Variants in ADGRL3 observed in about 807,000 individuals in gnomAD.
The protein encoded by ADGRL3 is adhesion G protein-coupled receptor L3.
In ADGRL3, 62 loss-of-function variants were observed where a neutral mutation model predicts 153.5. That is an observed-to-expected ratio of 0.40 (90% CI 0.33 to 0.50). ADGRL3 has a LOEUF of 0.50. Among genes scored for constraint, ADGRL3 ranks in the 20% least tolerant of loss-of-function variants. The pLI, the probability that ADGRL3 is intolerant of heterozygous loss-of-function variation, is 0.47. For missense variants in ADGRL3, 1,641 were observed against 1,859.4 expected (o/e 0.88, Z 2.16); for synonymous variants, 710 against 672.5 (o/e 1.06, Z -0.86).
At chr4:61,558,173 C>CATATAT (rs33947698) in intron 4 of ADGRL3, among the ~76,000 whole-genome samples, 2,540 of 128,946 alleles carry the variant, frequency 0.02, 91 homozygotes, top group East Asian at 0.14. Flanking sequence ...ATGTAGGAAT[C>CATATAT]ATATATATAT....
intron 8 of ADGRL3, 75 bp downstream of exon 8, chr4:61,733,629 T>C (rs1243928565): frequency 9.3e-7 from 1 of 1,078,538 alleles, no homozygotes; most frequent in East Asian, 2.6e-5. Context: ...TTTATGTTTT[T>C]ATTAAACTTT....
At chr4:61,215,541 ATTTTTTT>A (rs59691960) in intron 1 of ADGRL3, among the ~76,000 whole-genome samples, 4 of 73,704 alleles carry the variant, frequency 5.4e-5, no homozygotes, top group African/African-American at 5.1e-5. Flanking sequence ...CTATTATGGA[ATTTTTTT>A]TTTTTTTTTT....
At chr4:61,980,844 G>A (rs1000087621) in intron 18 of ADGRL3, among the ~76,000 whole-genome samples, 1 of 152,066 alleles carries the variant, frequency 6.6e-6, no homozygotes, top group African/African-American at 2.4e-5. Context: ...GTTGTCTGAT[G>A]TACCACAGTT....
Position 62,070,157 on chromosome 4 carries a change from C to G in ADGRL3, c.3881C>G (p.Pro1294Arg). The change falls in exon 27 of 27, where the codon CCA becomes CGA. Residue 1294 changes from proline (P) to arginine (R), a missense_variant. Pro to Arg is a moderately radical substitution (Grantham distance 103, BLOSUM62 -2). This residue lies in a region of ADGRL3 where 517 missense variants were observed against 555.0 expected (regional missense o/e 0.93). Coordinates refer to ENST00000683033, the MANE Select transcript of ADGRL3 (RefSeq NM_001387552.1). ...GATACAAGTGTCATGGATACTCTAC[C>G]ACTGAATGGTAACCATGGCAATAGT... ...ARDTSVMDTL[P>R]LNGNHGNSYS... is the part of the protein sequence containing the mutation. The G allele has an allele frequency of 1.2e-6, 2 of 1,613,990 alleles. No homozygotes were observed. Among genetic ancestry groups the G allele is most frequent in the Non-Finnish European group, 1.7e-6 (2 of 1,179,986 alleles).
intron 8 of ADGRL3, among the ~76,000 whole-genome samples, chr4:61,811,925 T>C (rs1239747782): frequency 6.6e-6 from 1 of 152,150 alleles, no homozygotes; most frequent in Non-Finnish European, 1.5e-5. Context: ...TTATTCTATA[T>C]GCTAAGGTTA....
intron 21 of ADGRL3, among the ~76,000 whole-genome samples, chr4:62,009,751 G>A (rs1246362592): frequency 6.6e-6 from 1 of 152,050 alleles, no homozygotes; most frequent in Non-Finnish European, 1.5e-5. Context: ...CAGGATTAGT[G>A]CAGACCCTAC....
At chr4:61,494,443 A>T (rs1464999610) in intron 2 of ADGRL3, among the ~76,000 whole-genome samples, 1 of 152,188 alleles carries the variant, frequency 6.6e-6, no homozygotes, top group Non-Finnish European at 1.5e-5. Context: ...TGAATCTGAC[A>T]ATTGTCTGTC....
intron 2 of ADGRL3, among the ~76,000 whole-genome samples, chr4:61,393,806 A>C (rs555212909): frequency 6.6e-6 from 1 of 152,278 alleles, no homozygotes; most frequent in East Asian, 1.9e-4. Context: ...TGTCAATTTT[A>C]ATTTACTTTA....
chr4:61,854,663 C>G (rs1222125850), intron 9 of ADGRL3, among the ~76,000 whole-genome samples: 1 of 152,100 alleles, frequency 6.6e-6, no homozygotes, highest in Non-Finnish European at 1.5e-5. Context: ...GGAGCTTAAT[C>G]CCTTCCTCTT....
chr4:61,990,498 C>T (rs932361365), intron 19 of ADGRL3, among the ~76,000 whole-genome samples: 47 of 151,826 alleles, frequency 3.1e-4, no homozygotes, highest in African/African-American at 1.1e-3. Context: ...GATGGGTTCA[C>T]AACTCTTAAA....
chr4:61,611,520 T>C (rs759542248), intron 5 of ADGRL3, among the ~76,000 whole-genome samples: 22 of 152,124 alleles, frequency 1.4e-4, no homozygotes, highest in Non-Finnish European at 2.9e-4. Flanking sequence ...AGAGTGCCTC[T>C]AGGGAGGCAA....
At chr4:61,923,993 GACA>G (rs925925320) in intron 13 of ADGRL3, among the ~76,000 whole-genome samples, 1 of 151,988 alleles carries the variant, frequency 6.6e-6, no homozygotes, top group African/African-American at 2.4e-5. Context: ...CAGAAATTCT[GACA>G]ACACTTTTCA....
At position 61,714,221 on chromosome 4, in the gene ADGRL3, G is replaced by GCACACACACACACACA. The variant is rs57350284; in HGVS notation, c.584-16387_584-16386insCACACACACACACACA. On this transcript the variant is annotated intron_variant, in intron 6 of 26. Coordinates refer to ENST00000683033, the MANE Select transcript of ADGRL3 (RefSeq NM_001387552.1). ...GAAGAAAAGCTGCCATGTAAAATAC[G>GCACACACACACACACA]CACACACACACACAATTAAAAATAC... Among the ~76,000 whole-genome samples the GCACACACACACACACA allele has an allele frequency of 2.6e-3, 386 of 150,840 alleles. 2 individuals carry two copies. The highest frequency in any genetic ancestry group is 0.023 in the East Asian group (116 of 5,096).
At chr4:61,839,133 T>C (rs1484538168) in intron 9 of ADGRL3, among the ~76,000 whole-genome samples, 1 of 152,180 alleles carries the variant, frequency 6.6e-6, no homozygotes, top group African/African-American at 2.4e-5. Flanking sequence ...TATGTATTGC[T>C]TTCTGTGGTA....
intron 1 of ADGRL3, among the ~76,000 whole-genome samples, chr4:61,249,458 G>C (rs1161421500): frequency 6.6e-6 from 1 of 152,080 alleles, no homozygotes; most frequent in Non-Finnish European, 1.5e-5. Flanking sequence ...CCTGCATTTT[G>C]ACTCTGGCGT....
intron 18 of ADGRL3, 83 bp downstream of exon 18, chr4:61,979,855 T>C: frequency 8.7e-7 from 1 of 1,153,186 alleles, no homozygotes; most frequent in Non-Finnish European, 1.3e-6. Context: ...TACTTATGTT[T>C]GAAAGTATCA....
chr4:61,971,281 A>G (rs985609971), intron 17 of ADGRL3, among the ~76,000 whole-genome samples: 2 of 151,840 alleles, frequency 1.3e-5, no homozygotes, highest in African/African-American at 4.8e-5. Flanking sequence ...AGCATTAGGT[A>G]TATCTCCTAA....
At chr4:61,794,361 T>C (rs1408703772) in intron 8 of ADGRL3, among the ~76,000 whole-genome samples, 1 of 152,204 alleles carries the variant, frequency 6.6e-6, no homozygotes, top group African/African-American at 2.4e-5. Flanking sequence ...AGTATTTTTT[T>C]CACTGTAGTA....
At chr4:61,744,261 T>C (rs1009605631) in intron 8 of ADGRL3, among the ~76,000 whole-genome samples, 28 of 152,290 alleles carry the variant, frequency 1.8e-4, no homozygotes, top group Non-Finnish European at 2.6e-4. Flanking sequence ...TGCCTGCCTC[T>C]GTAGACTCCA....
Sources: gnomAD v4.1 joint callset for allele counts (sites outside exome capture counted in the v4.1 genomes callset) on GRCh38, gnomAD v4.1.1 for gene constraint, gnomAD v4.1.1 regional missense constraint, MANE v1.5 for transcripts, NCBI Gene and HGNC (gene_info 2026-07-23, HGNC 2026-07-21) for gene names.